SGK1: variants seen among roughly 807,000 people sequenced by gnomAD.
The protein encoded by SGK1 is serine/threonine-protein kinase Sgk1.
SGK1 carries 26 observed loss-of-function variants against 64.2 expected under a neutral mutation model. The observed-to-expected ratio is 0.40, with a 90% CI of 0.30 to 0.56. The LOEUF (loss-of-function observed/expected upper bound fraction) is 0.56. Among genes scored for constraint, SGK1 ranks in the 20% least tolerant of loss-of-function variants. SGK1 has a pLI of 0.38. For missense variants in SGK1, 519 were observed against 645.6 expected (o/e 0.80, Z 2.12); for synonymous variants, 265 against 239.7 (o/e 1.11, Z -0.98).
At chr6:134,269,797 T>C (rs1317014628) in intron 1 of SGK1, among the ~76,000 whole-genome samples, 2 of 148,302 alleles carry the variant, frequency 1.3e-5, no homozygotes, top group Admixed American at 6.9e-5. Flanking sequence ...CTCACACTGA[T>C]ACTGGAGCCT....
rs759265218 is a variant in SGK1 at position 134,170,909 on chromosome 6, T to C, written c.1330A>G (p.Ile444Val). The change falls in exon 13 of 14, where the codon ATT (isoleucine) becomes GTT (valine). Residue 444 changes from isoleucine to valine, a missense_variant. Physicochemically the swap from Ile to Val is conservative, Grantham distance 29. Coordinates refer to ENST00000367858, the MANE Select transcript of SGK1 (RefSeq NM_001143676.3). ...RLGAKDDFME[I>V]KSHVFFSLIN... ...AAGGAGAAGAAGACATGACTCTTAA[T>C]CTCCATCTGTTGATAAGAAACCCAA... The C allele has an allele frequency of 9.9e-6, 16 of 1,611,418 alleles. No individual in the cohort carries two copies. In the East Asian group the frequency reaches 3.6e-4, roughly 36 times the overall value.
intron 2 of SGK1, among the ~76,000 whole-genome samples, chr6:134,218,941 A>G (rs372541030): frequency 6.8e-4 from 104 of 152,190 alleles, no homozygotes; most frequent in Middle Eastern, 3.4e-3. Context: ...TTAGGTTACA[A>G]TGGAACACAG....
intron 1 of SGK1, chr6:134,297,292 T>C: frequency 7.8e-7 from 1 of 1,275,010 alleles, no homozygotes; most frequent in Non-Finnish European, 1.1e-6. Context: ...TTGACGTTCA[T>C]CAGCTCCTGG....
intron 3 of SGK1, among the ~76,000 whole-genome samples, chr6:134,179,684 T>C (rs1399882907): frequency 2.0e-5 from 3 of 152,242 alleles, no homozygotes; most frequent in East Asian, 3.9e-4. Flanking sequence ...ATACAGTAGA[T>C]AACTAAGAGA....
intron 2 of SGK1, among the ~76,000 whole-genome samples, chr6:134,248,419 T>C (rs1776557043): frequency 6.7e-6 from 1 of 148,352 alleles, no homozygotes; most frequent in Non-Finnish European, 1.5e-5. Context: ...TGCAGAAGCA[T>C]CTTAGAAACA....
chr6:134,306,328 C>T (rs1725929109), intron 1 of SGK1, among the ~76,000 whole-genome samples: 1 of 151,832 alleles, frequency 6.6e-6, no homozygotes, highest in Non-Finnish European at 1.5e-5. Flanking sequence ...GAGGCTGAGG[C>T]AGAAGAATTG....
At chr6:134,232,911 A>G (rs1217625183) in intron 2 of SGK1, among the ~76,000 whole-genome samples, 1 of 152,008 alleles carries the variant, frequency 6.6e-6, no homozygotes, top group Non-Finnish European at 1.5e-5. Context: ...TGTAGGAAAC[A>G]ATGTTTATTG....
At chr6:134,290,121 GC>G (rs1777241683) in intron 1 of SGK1, among the ~76,000 whole-genome samples, 1 of 130,890 alleles carries the variant, frequency 7.6e-6, no homozygotes, top group Non-Finnish European at 1.5e-5. Flanking sequence ...TTGCACTCCA[GC>G]CTGGGCAACA....
chr6:134,227,382 G>T (rs1266360670), intron 2 of SGK1, among the ~76,000 whole-genome samples: 1 of 152,008 alleles, frequency 6.6e-6, no homozygotes, highest in Non-Finnish European at 1.5e-5. Context: ...TGATCCACCC[G>T]CTTGGCCTCC....
chr6:134,274,164 C>T (rs916310791), intron 1 of SGK1, among the ~76,000 whole-genome samples: 1 of 152,012 alleles, frequency 6.6e-6, no homozygotes. Context: ...CCACCACACC[C>T]GGCTAATTTT....
At chr6:134,275,327 G>A (rs1004924725) in intron 1 of SGK1, among the ~76,000 whole-genome samples, 2 of 152,190 alleles carry the variant, frequency 1.3e-5, no homozygotes, top group Non-Finnish European at 2.9e-5. Context: ...GATTACAGGT[G>A]TGACCCACTG....
intron 2 of SGK1, among the ~76,000 whole-genome samples, chr6:134,257,358 G>A (rs376755475): frequency 7.9e-5 from 12 of 152,120 alleles, no homozygotes; most frequent in South Asian, 4.1e-4. Context: ...AGCTGAGATC[G>A]TGCCATTGCA....
chr6:134,304,416 C>T (rs2114795926), intron 1 of SGK1, among the ~76,000 whole-genome samples: 1 of 152,250 alleles, frequency 6.6e-6, no homozygotes, highest in Middle Eastern at 3.4e-3. Flanking sequence ...CTTTGGGAGG[C>T]TGAGGTGGGA....
chr6:134,315,232 C>A (rs1777661220), intron 1 of SGK1, among the ~76,000 whole-genome samples: 1 of 151,850 alleles, frequency 6.6e-6, no homozygotes, highest in Non-Finnish European at 1.5e-5. Context: ...AGAATTTATC[C>A]CTGGGGCATT....
intron 1 of SGK1, among the ~76,000 whole-genome samples, chr6:134,279,086 G>C (rs762780922): frequency 6.6e-6 from 1 of 152,130 alleles, no homozygotes; most frequent in Non-Finnish European, 1.5e-5. Flanking sequence ...CATGCACCTG[G>C]AGTCCTAGCT....
intron 1 of SGK1, among the ~76,000 whole-genome samples, chr6:134,291,789 G>A (rs972297914): frequency 3.3e-5 from 5 of 152,240 alleles, no homozygotes; most frequent in South Asian, 2.1e-4. Context: ...GGCCAGGCAC[G>A]ATGGGTCACG....
chr6:134,304,245 C>A (rs1777501407), intron 1 of SGK1, among the ~76,000 whole-genome samples: 1 of 152,196 alleles, frequency 6.6e-6, no homozygotes, highest in African/African-American at 2.4e-5. Context: ...ACACTGAATT[C>A]CTAATCCACA....
At chr6:134,199,020 G>A (rs1395196251) in intron 3 of SGK1, among the ~76,000 whole-genome samples, 1 of 151,928 alleles carries the variant, frequency 6.6e-6, no homozygotes, top group Non-Finnish European at 1.5e-5. Context: ...TTAGTAGCTG[G>A]GACCATACGT....
chr6:134,295,206 G>T (rs1269531506), intron 1 of SGK1, among the ~76,000 whole-genome samples: 4 of 152,138 alleles, frequency 2.6e-5, no homozygotes, highest in Admixed American at 1.3e-4. Flanking sequence ...AAGCTATTCT[G>T]CATGGTTGGA....
Sources: gnomAD v4.1 joint callset for allele counts (sites outside exome capture counted in the v4.1 genomes callset) on GRCh38, gnomAD v4.1.1 for gene constraint, MANE v1.5 for transcripts, NCBI Gene and HGNC (gene_info 2026-07-23, HGNC 2026-07-21) for gene names.